Variants in TAB1 observed in about 807,000 individuals in gnomAD.
The protein encoded by TAB1 is TGF-beta-activated kinase 1 and MAP3K7-binding protein 1.
Under a neutral mutation model 54.5 loss-of-function variants are expected in TAB1, and 30 were observed. The ratio of observed to expected loss-of-function variants is 0.55; its 90% confidence interval spans 0.41 to 0.75. The LOEUF is 0.75. Ranked by LOEUF, TAB1 falls within the 30% of genes least tolerant of loss-of-function variation. TAB1 has a pLI of 0.00. For synonymous variants in TAB1, 289 were observed against 286.9 expected, an observed-to-expected ratio of 1.01 and a Z score of -0.07; for missense variants, 609 against 683.2, an observed-to-expected ratio of 0.89 and a Z score of 1.21.
chr22:39,401,765 G>T (rs1009978973), intron 1 of TAB1, among the ~76,000 whole-genome samples: 3 of 152,142 alleles, frequency 2.0e-5, no homozygotes, highest in African/African-American at 7.2e-5. Context: ...GTCATCAGAA[G>T]GCCCCTCCGC....
chr22:39,432,576 G>A (rs150540606), downstream of TAB1: 2,600 of 206,564 alleles, frequency 0.013, 23 homozygotes, highest in Middle Eastern at 0.027. Flanking sequence ...CAGCCGAGCC[G>A]CCAGGGGTCC....
chr22:39,414,992 G>A lies in TAB1; in HGVS notation c.34-14G>A. The A allele has an allele frequency of 6.2e-7, 1 of 1,613,798 alleles. No homozygotes were observed. ...CGCGGTGGCGTCTCACGGCTTCCTG[G>A]TGTCCTTCCCCAGGAGCAGCAGCCA... On this transcript the variant is annotated splice_polypyrimidine_tract_variant and intron_variant, in intron 1 of 10. Transcript: ENST00000216160.
intron 8 of TAB1, among the ~76,000 whole-genome samples, chr22:39,426,480 A>AT (rs1927342124): frequency 6.6e-6 from 1 of 152,224 alleles, no homozygotes; most frequent in African/African-American, 2.4e-5. Flanking sequence ...GCACCCAACA[A>AT]TTAGAGCAAT....
intron 3 of TAB1, among the ~76,000 whole-genome samples, chr22:39,416,265 G>C (rs534724641): frequency 6.6e-6 from 1 of 152,314 alleles, no homozygotes; most frequent in East Asian, 1.9e-4. Context: ...TCTCACACAG[G>C]GGGAGAAGGT....
At position 39,415,694 on chromosome 22, in the gene TAB1, TC is replaced by T; in HGVS notation, c.324+46del. 6.3e-7 allele frequency: 1 copy of T among 1,588,688 alleles called. No individual in the cohort carries two copies. Among genetic ancestry groups the T allele is most frequent in the Non-Finnish European group, 8.5e-7 (1 of 1,170,276 alleles). On this transcript the variant is annotated intron_variant, in intron 3 of 10. Coordinates refer to ENST00000216160, the MANE Select transcript of TAB1 (RefSeq NM_006116.3). The surrounding 1 kb of genome is among the most constrained non-coding windows in gnomAD (Gnocchi z 4.9). ...CCAACAGTGACCCAGCCACATCATG[TC>T]CCCCACCCCAAGGCTTGGGCCCTGC...
chr22:39,429,027 G>A (rs961859244), intron 10 of TAB1: 1 of 980,784 alleles, frequency 1.0e-6, no homozygotes, highest in African/African-American at 1.7e-5. Context: ...GCCTGGAGGA[G>A]TCCTCCAGCT....
chr22:39,432,397 C>G (rs1481548995), downstream of TAB1: 1 of 152,256 alleles, frequency 6.6e-6, no homozygotes, highest in African/African-American at 2.4e-5. Context: ...GAACTCATCC[C>G]TCTAAGAAGA....
At chr22:39,424,951 C>A (rs1927256019) in intron 8 of TAB1, among the ~76,000 whole-genome samples, 1 of 152,090 alleles carries the variant, frequency 6.6e-6, no homozygotes, top group Non-Finnish European at 1.5e-5. Context: ...ATTACCTGTC[C>A]CTGCCCTCCT....
chr22:39,421,682 C>G, intron 7 of TAB1, 145 bp from the exon 8 acceptor site: 9 of 872,822 alleles, frequency 1.0e-5, no homozygotes, highest in Middle Eastern at 2.3e-4. Flanking sequence ...ATTTTTCTGA[C>G]CTTCTCTTTC....
chr22:39,414,838 C>T, intron 1 of TAB1, 168 bp from the exon 2 acceptor site: 1 of 683,210 alleles, frequency 1.5e-6, no homozygotes, highest in African/African-American at 1.8e-5. Context: ...ACAGCAAACC[C>T]TTCTGCAGGT....
At chr22:39,408,822 G>A (rs765643696) in intron 1 of TAB1, among the ~76,000 whole-genome samples, 12 of 152,086 alleles carry the variant, frequency 7.9e-5, no homozygotes, top group Admixed American at 1.3e-4. Flanking sequence ...TTTTAATAGT[G>A]TATGTCTAAT....
In TAB1 at chr22:39,417,815, C is replaced by A; in HGVS notation, c.516C>A (p.Val172=). 6.2e-7 allele frequency: 1 copy of A among 1,612,644 alleles called. No homozygotes were observed. Among genetic ancestry groups the A allele is most frequent in the South Asian group, 1.1e-5 (1 of 90,758 alleles). ...GAGGGGCCATGGCCGTTGTGGCGGT[C>A]CTTCTCAACAACAAGCTCTACGTCG... ...ISGGAMAVVA[V]LLNNKLYVAN... The change falls in exon 5 of 11, where the codon GTC becomes GTA. Residue 172 remains valine (V), a synonymous_variant. Transcript: ENST00000216160.
chr22:39,427,016 A>T, intron 9 of TAB1, 91 bp downstream of exon 9: 5 of 1,297,276 alleles, frequency 3.9e-6, no homozygotes, highest in Non-Finnish European at 5.3e-6. Flanking sequence ...TGAAACGGAG[A>T]TGGAGTCAGG....
intron 6 of TAB1, 149 bp from the exon 7 acceptor site, chr22:39,419,370 C>T (rs929062584): frequency 5.2e-6 from 3 of 577,268 alleles, no homozygotes; most frequent in Admixed American, 3.1e-5. Flanking sequence ...GACTTTGGGT[C>T]AGCTGCTCTC....
intron 1 of TAB1, among the ~76,000 whole-genome samples, chr22:39,408,250 A>C (rs1733788888): frequency 6.6e-6 from 1 of 152,274 alleles, no homozygotes; most frequent in African/African-American, 2.4e-5. Flanking sequence ...GCACGTGCTC[A>C]GTAGATTGAT....
rs376706024 is a variant in TAB1, at chr22:39,416,837, C to A, written c.371C>A (p.Ala124Asp). The change falls in exon 4 of 11, where the codon GCC (alanine) becomes GAC (aspartate). Residue 124 changes from alanine to aspartate, a missense_variant. Physicochemically the swap from Ala to Asp is moderately radical, Grantham distance 126. Coordinates refer to ENST00000216160, the MANE Select transcript of TAB1 (RefSeq NM_006116.3). ...ERSFLESIDD[A>D]LAEKASLQSQ... ...AGCTTCCTGGAGTCCATTGACGACG[C>A]CTTGGCTGAGAAGGCAAGCCTCCAG... is the stretch of plus-strand genomic sequence containing the variant. 6.2e-7 allele frequency: 1 copy of A among 1,614,234 alleles called. No homozygotes were observed. Among genetic ancestry groups the A allele is most frequent in the South Asian group, 1.1e-5 (1 of 91,086 alleles).
intron 8 of TAB1, 129 bp from the exon 9 acceptor site, chr22:39,426,574 G>C: frequency 1.3e-6 from 1 of 770,088 alleles, no homozygotes; most frequent in South Asian, 1.9e-5. Context: ...AAACTTGGCT[G>C]GCAGGCATTT....
chr22:39,419,231 C>T (rs1926965278), intron 6 of TAB1, among the ~76,000 whole-genome samples: 1 of 152,160 alleles, frequency 6.6e-6, no homozygotes, highest in South Asian at 2.1e-4. Flanking sequence ...CCAGTGAGCT[C>T]CAGGCAGATG....
intron 1 of TAB1, among the ~76,000 whole-genome samples, chr22:39,408,528 T>A (rs1208027006): frequency 6.6e-6 from 1 of 152,218 alleles, no homozygotes; most frequent in Admixed American, 6.5e-5. Context: ...AGACGGAGTC[T>A]CGCTCTGTCA....
Sources: allele counts gnomAD v4.1 joint callset (sites outside exome capture counted in the v4.1 genomes callset), GRCh38; gene constraint gnomAD v4.1.1; non-coding constraint Gnocchi (gnomAD v3.1); transcripts MANE v1.5; gene names NCBI Gene and HGNC (gene_info 2026-07-23, HGNC 2026-07-21).